Variants in MAPK10 observed in about 807,000 individuals in gnomAD.
MAPK10 encodes JNK3 alpha protein kinase.
MAPK10 carries 25 observed loss-of-function variants against 59.3 expected under a neutral mutation model. The ratio of observed to expected loss-of-function variants is 0.42; its 90% CI spans 0.31 to 0.59. MAPK10 has a LOEUF of 0.59. Among genes scored for constraint, MAPK10 ranks in the 20% least tolerant of loss-of-function variants. MAPK10 has a pLI of 0.15. For missense variants in MAPK10, 351 were observed against 568.9 expected (o/e 0.62, Z 3.90); for synonymous variants, 190 against 200.5 (o/e 0.95, Z 0.44).
chr4:86,531,849 G>A (rs1429748602), intron 1 of MAPK10, among the ~76,000 whole-genome samples: 1 of 152,044 alleles, frequency 6.6e-6, no homozygotes, highest in African/African-American at 2.4e-5. Flanking sequence ...AATGGTGACA[G>A]GAGCCACTCA....
At chr4:86,450,161 C>G (rs922283137) in intron 1 of MAPK10, among the ~76,000 whole-genome samples, 3 of 152,208 alleles carry the variant, frequency 2.0e-5, no homozygotes, top group Non-Finnish European at 4.4e-5. Context: ...CAATAGAGAA[C>G]TAATAAACTA....
chr4:86,416,039 T>C (rs1397492707), intron 1 of MAPK10, among the ~76,000 whole-genome samples: 1 of 152,196 alleles, frequency 6.6e-6, no homozygotes, highest in Non-Finnish European at 1.5e-5. Context: ...AATTGTGTCT[T>C]CCCAAAATGC....
intron 2 of MAPK10, among the ~76,000 whole-genome samples, chr4:86,315,262 C>A (rs866657712): frequency 6.6e-6 from 1 of 151,110 alleles, no homozygotes; most frequent in South Asian, 2.1e-4. Context: ...GTGGGGGATG[C>A]GGGGCATGGA....
At chr4:86,212,216 A>T (rs1258994725) in intron 2 of MAPK10, among the ~76,000 whole-genome samples, 1 of 152,130 alleles carries the variant, frequency 6.6e-6, no homozygotes, top group Non-Finnish European at 1.5e-5. Context: ...TTTAGATCCA[A>T]AGACAGAAAT....
At chr4:86,021,144 G>C (rs1323802715) in intron 13 of MAPK10, among the ~76,000 whole-genome samples, 1 of 152,170 alleles carries the variant, frequency 6.6e-6, no homozygotes, top group African/African-American at 2.4e-5. Context: ...ACAGAGTGTG[G>C]ATTGGTGCAC....
intron 9 of MAPK10, among the ~76,000 whole-genome samples, chr4:86,070,779 T>A (rs1018397951): frequency 6.6e-6 from 1 of 151,698 alleles, no homozygotes; most frequent in African/African-American, 2.4e-5. Context: ...ATTTTCTTAA[T>A]CCAGTCTATC....
chr4:86,345,520 T>G (rs1458518610), intron 2 of MAPK10, among the ~76,000 whole-genome samples: 1 of 152,214 alleles, frequency 6.6e-6, no homozygotes, highest in Non-Finnish European at 1.5e-5. Context: ...TAAACTGTAC[T>G]GAGATTTTCC....
chr4:86,424,521 A>T (rs1667162888), intron 1 of MAPK10, among the ~76,000 whole-genome samples: 2 of 151,978 alleles, frequency 1.3e-5, no homozygotes, highest in African/African-American at 4.8e-5. Flanking sequence ...CCCTGTTTCC[A>T]CCAATTTGAC....
chr4:86,592,442 A>G (rs1324553637), intron 1 of MAPK10, among the ~76,000 whole-genome samples: 1 of 152,214 alleles, frequency 6.6e-6, no homozygotes. Context: ...TTACAACACT[A>G]TACTTGCTAT....
chr4:86,166,255 A>C (rs2071681984), intron 3 of MAPK10, among the ~76,000 whole-genome samples: 1 of 152,212 alleles, frequency 6.6e-6, no homozygotes, highest in South Asian at 2.1e-4. Context: ...TTCTCATCTA[A>C]CTATCCAGTT....
In MAPK10 at chr4:86,017,202, G is replaced by A. The variant is rs746445630; in HGVS notation, c.*26C>T. On this transcript the variant is annotated 3_prime_UTR_variant, in exon 14 of 14. Coordinates refer to ENST00000641462, the MANE Select transcript of MAPK10 (RefSeq NM_138982.4). The surrounding 1 kb of genome is among the most constrained non-coding windows in gnomAD (Gnocchi z 4.4). ...TCCATCACATCATCTCCTGAAGAAC[G>A]CTGGGTTTCGCAGGCAGGCGGCTAG... 5.0e-6 allele frequency: 8 copies of A among 1,610,384 alleles called. No individual in the cohort carries two copies. In the East Asian group the frequency reaches 1.1e-4, roughly 22 times the overall value.
chr4:86,272,986 G>A (rs138214008), intron 2 of MAPK10, among the ~76,000 whole-genome samples: 306 of 152,122 alleles, frequency 2.0e-3, no homozygotes, highest in African/African-American at 6.6e-3. Flanking sequence ...TCTATGGCAC[G>A]GATACCAGCC....
intron 1 of MAPK10, among the ~76,000 whole-genome samples, chr4:86,533,613 C>G (rs2149092346): frequency 6.6e-6 from 1 of 152,252 alleles, no homozygotes; most frequent in East Asian, 1.9e-4. Context: ...TTTGGTCTTT[C>G]TCACTACAGT....
intron 4 of MAPK10, among the ~76,000 whole-genome samples, chr4:86,150,956 G>A (rs1472076839): frequency 6.6e-6 from 1 of 152,180 alleles, no homozygotes; most frequent in Admixed American, 6.5e-5. Context: ...GATGAGGGAA[G>A]GAGAGAAAGA....
chr4:86,237,813 T>C (rs144857727), intron 2 of MAPK10, among the ~76,000 whole-genome samples: 31 of 152,330 alleles, frequency 2.0e-4, no homozygotes, highest in African/African-American at 5.5e-4. Flanking sequence ...ACTCTGATGA[T>C]AGTTTATCTT....
chr4:86,022,720 G>A (rs1314613639), intron 13 of MAPK10, among the ~76,000 whole-genome samples: 1 of 152,132 alleles, frequency 6.6e-6, no homozygotes, highest in African/African-American at 2.4e-5. Context: ...TGTTGCCCAA[G>A]CTGGTCTCAA....
intron 2 of MAPK10, among the ~76,000 whole-genome samples, chr4:86,204,683 A>G (rs1209372223): frequency 1.3e-5 from 2 of 152,010 alleles, no homozygotes; most frequent in African/African-American, 4.8e-5. Context: ...ACTGCAGAAC[A>G]GCTTTTTGTC....
intron 1 of MAPK10, among the ~76,000 whole-genome samples, chr4:86,367,410 G>A (rs1485799380): frequency 6.6e-6 from 1 of 151,976 alleles, no homozygotes; most frequent in Non-Finnish European, 1.5e-5. Flanking sequence ...GGGGAACAGT[G>A]GCTTTTTGCA....
At chr4:86,135,206 C>G (rs1267236229) in intron 4 of MAPK10, among the ~76,000 whole-genome samples, 1 of 152,230 alleles carries the variant, frequency 6.6e-6, no homozygotes, top group South Asian at 2.1e-4. Flanking sequence ...GGCCTGCCTG[C>G]CTCTGGAGGC....
Sources: gnomAD v4.1 joint callset for allele counts (sites outside exome capture counted in the v4.1 genomes callset) on GRCh38, gnomAD v4.1.1 for gene constraint, Gnocchi (gnomAD v3.1) non-coding constraint, MANE v1.5 for transcripts, NCBI Gene and HGNC (gene_info 2026-07-23, HGNC 2026-07-21) for gene names.